The following NAALADL2 variants were observed in gnomAD, a reference collection of about 807,000 sequenced individuals.
The protein encoded by NAALADL2 is inactive N-acetylated-alpha-linked acidic dipeptidase-like protein 2.
Under a neutral mutation model 87.2 loss-of-function variants are expected in NAALADL2, and 76 were observed. The ratio of observed to expected loss-of-function variants is 0.87; its 90% CI spans 0.72 to 1.05. The LOEUF (loss-of-function observed/expected upper bound fraction) is 1.05, where lower values mean the gene tolerates loss of function less well. NAALADL2 is among the 50% of genes least tolerant of loss of function. The probability of loss-of-function intolerance (pLI) is 0.00; values close to 1 mark genes in which losing one functional copy is unlikely to be tolerated. For missense variants in NAALADL2, 1,089 were observed against 945.8 expected, an observed-to-expected ratio of 1.15 and a Z score of -1.99; for synonymous variants, 354 against 331.0, an observed-to-expected ratio of 1.07 and a Z score of -0.75.
chr3:174,604,216 A>G (rs1718748395), intron 2 of NAALADL2, among the ~76,000 whole-genome samples: 1 of 152,128 alleles, frequency 6.6e-6, no homozygotes, highest in Non-Finnish European at 1.5e-5. Flanking sequence ...TTTAGCTCTA[A>G]TAATATTTAC....
chr3:174,782,915 A>AT (rs1483648930), intron 3 of NAALADL2, among the ~76,000 whole-genome samples: 1 of 152,072 alleles, frequency 6.6e-6, no homozygotes, highest in African/African-American at 2.4e-5. Flanking sequence ...TGAAGATGAG[A>AT]TTTGGATTGA....
At chr3:175,564,968 A>C (rs4432654) in intron 9 of NAALADL2, among the ~76,000 whole-genome samples, 120,119 of 152,198 alleles carry the variant, frequency 0.79, 47,506 homozygotes, top group East Asian at 0.88. Context: ...CAATGTGGCA[A>C]AGGAATCCAT....
intron 2 of NAALADL2, among the ~76,000 whole-genome samples, chr3:174,562,441 T>C (rs371074602): frequency 3.2e-4 from 49 of 152,244 alleles, no homozygotes; most frequent in Non-Finnish European, 5.4e-4. Flanking sequence ...AAGAATAATA[T>C]GTGAAAAATA....
At chr3:175,662,981 T>A (rs1196083511) in intron 11 of NAALADL2, among the ~76,000 whole-genome samples, 1 of 151,770 alleles carries the variant, frequency 6.6e-6, no homozygotes, top group Non-Finnish European at 1.5e-5. Context: ...TTTGGTTGTA[T>A]CTTTTTCTGA....
chr3:174,949,414 A>T (rs1739991340), intron 1 of NAALADL2, among the ~76,000 whole-genome samples: 2 of 152,182 alleles, frequency 1.3e-5, no homozygotes, highest in South Asian at 4.1e-4. Context: ...TGTCCCTGAT[A>T]CCATCTCTTA....
At chr3:175,794,275 A>G (rs1426581917) in intron 13 of NAALADL2, among the ~76,000 whole-genome samples, 1 of 152,192 alleles carries the variant, frequency 6.6e-6, no homozygotes, top group Non-Finnish European at 1.5e-5. Context: ...TAAGTAAAGA[A>G]AGAAAAGTTA....
chr3:175,458,772 CA>C (rs1722694604), intron 6 of NAALADL2, among the ~76,000 whole-genome samples: 1 of 151,894 alleles, frequency 6.6e-6, no homozygotes, highest in Non-Finnish European at 1.5e-5. Context: ...ACAATGGATC[CA>C]ACCCTAGGCA....
chr3:174,494,141 A>G (rs1718373217), intron 1 of NAALADL2, among the ~76,000 whole-genome samples: 1 of 152,114 alleles, frequency 6.6e-6, no homozygotes, highest in Admixed American at 6.6e-5. Context: ...GGAAACTTTA[A>G]GACTTTAAGG....
chr3:175,535,155 G>T (rs922348964), intron 9 of NAALADL2, among the ~76,000 whole-genome samples: 4 of 152,106 alleles, frequency 2.6e-5, no homozygotes, highest in African/African-American at 9.7e-5. Context: ...ATTGGATGTT[G>T]GGGAGATAAC....
At position 174,489,118 on chromosome 3, in the gene NAALADL2, A is replaced by T. The variant is rs569046635; in HGVS notation, c.-184+48086A>T. Among the ~76,000 whole-genome samples the T allele has an allele frequency of 2.8e-4, 42 of 152,208 alleles. 1 individual carries two copies. The highest frequency in any genetic ancestry group is 8.9e-4 in the African/African-American group (37 of 41,558). On this transcript the variant is annotated intron_variant, in intron 1 of 3. Transcript: ENST00000434257. ...GTTGCTGGCTAAATCTTATCAGATT[A>T]TGATAATATGATATCTTGGAAATTT...
At chr3:175,718,715 G>A (rs1931171) in intron 11 of NAALADL2, 26 of 1,417,712 alleles carry the variant, frequency 1.8e-5, no homozygotes, top group African/African-American at 1.7e-4. Context: ...CACTTGAGGC[G>A]TGGAGATCAA....
chr3:174,955,481 A>G (rs115836912), intron 1 of NAALADL2, among the ~76,000 whole-genome samples: 1,691 of 152,178 alleles, frequency 0.011, 37 homozygotes, highest in African/African-American at 0.038. Context: ...AATTTACTTA[A>G]TGATCAGCTA....
chr3:174,874,840 T>C (rs541252685), intron 1 of NAALADL2, among the ~76,000 whole-genome samples: 15 of 152,158 alleles, frequency 9.9e-5, no homozygotes, highest in Admixed American at 9.2e-4. Flanking sequence ...TTAAAATTCA[T>C]GATAGATGCT....
intron 1 of NAALADL2, among the ~76,000 whole-genome samples, chr3:174,928,684 A>G (rs1736443840): frequency 6.6e-6 from 1 of 152,220 alleles, no homozygotes; most frequent in African/African-American, 2.4e-5. Flanking sequence ...GCCAATTTTA[A>G]TATTTAGGTC....
At chr3:175,072,919 G>T (rs78225662) in intron 1 of NAALADL2, among the ~76,000 whole-genome samples, 16,374 of 151,854 alleles carry the variant, frequency 0.11, 1,005 homozygotes, top group East Asian at 0.21. Context: ...TTTTATAAAT[G>T]ATTGCAATGA....
At chr3:175,173,148 G>A (rs956603441) in intron 2 of NAALADL2, among the ~76,000 whole-genome samples, 1 of 151,560 alleles carries the variant, frequency 6.6e-6, no homozygotes, top group Non-Finnish European at 1.5e-5. Flanking sequence ...AAAAATTAGC[G>A]GGGTGTGGTG....
At chr3:175,337,541 A>G (rs1762113740) in intron 5 of NAALADL2, among the ~76,000 whole-genome samples, 1 of 152,174 alleles carries the variant, frequency 6.6e-6, no homozygotes, top group Admixed American at 6.5e-5. Context: ...AAGCACGAAC[A>G]AAATATGGTT....
At chr3:175,723,085 G>T (rs1001413864) in intron 11 of NAALADL2, among the ~76,000 whole-genome samples, 4 of 152,070 alleles carry the variant, frequency 2.6e-5, no homozygotes, top group Admixed American at 2.6e-4. Context: ...GAGCCCCAGC[G>T]TCTAGTCAAG....
chr3:175,525,318 G>A (rs16825909), intron 9 of NAALADL2, among the ~76,000 whole-genome samples: 10,355 of 152,114 alleles, frequency 0.068, 443 homozygotes, highest in South Asian at 0.12. Flanking sequence ...AAATTAACTT[G>A]GGTAAAACCG....
Sources: allele counts gnomAD v4.1 joint callset (sites outside exome capture counted in the v4.1 genomes callset), GRCh38; gene constraint gnomAD v4.1.1; transcripts MANE v1.5; gene names NCBI Gene and HGNC (gene_info 2026-07-23, HGNC 2026-07-21).